Variants in FRMD4B observed in about 807,000 individuals in gnomAD.
FRMD4B encodes FERM domain-containing protein 4B.
FRMD4B carries 74 observed loss-of-function variants against 141.5 expected under a neutral mutation model. The observed-to-expected ratio is 0.52, with a 90% CI of 0.43 to 0.63. The LOEUF (loss-of-function observed/expected upper bound fraction) is 0.63. FRMD4B is among the 30% of genes least tolerant of loss of function. The pLI is 0.00. For missense variants in FRMD4B, 1,366 were observed against 1,253.4 expected (o/e 1.09, Z -1.36); for synonymous variants, 506 against 467.9 (o/e 1.08, Z -1.05).
At chr3:69,219,158 C>T (rs142536356) in intron 9 of FRMD4B, among the ~76,000 whole-genome samples, 1,101 of 58,010 alleles carry the variant, frequency 0.019, 11 homozygotes, top group Admixed American at 0.061. Context: ...GAGTGAGAAT[C>T]TGTCAAAAAA....
At chr3:69,500,427 T>G (rs1264915874) in intron 1 of FRMD4B, among the ~76,000 whole-genome samples, 2 of 152,152 alleles carry the variant, frequency 1.3e-5, no homozygotes, top group Non-Finnish European at 2.9e-5. Context: ...CCTTATTCCT[T>G]GACACTTGGT....
chr3:69,502,938 T>C (rs953945453), intron 1 of FRMD4B, among the ~76,000 whole-genome samples: 4 of 152,164 alleles, frequency 2.6e-5, no homozygotes, highest in Non-Finnish European at 5.9e-5. Flanking sequence ...GAAAAAATGC[T>C]CATCATCACT....
At chr3:69,264,512 C>T (rs1426434870) in intron 5 of FRMD4B, among the ~76,000 whole-genome samples, 2 of 152,048 alleles carry the variant, frequency 1.3e-5, no homozygotes, top group Non-Finnish European at 2.9e-5. Flanking sequence ...AGTAAGGGAT[C>T]CCAGGTTTTT....
At chr3:69,326,118 A>AT in intron 1 of FRMD4B, among the ~76,000 whole-genome samples, 1 of 134,668 alleles carries the variant, frequency 7.4e-6, no homozygotes, top group South Asian at 2.2e-4. Context: ...CTGGCTAATC[A>AT]ATTTTTTTTT....
At chr3:69,379,842 T>C (rs1704068879) in intron 1 of FRMD4B, among the ~76,000 whole-genome samples, 1 of 152,218 alleles carries the variant, frequency 6.6e-6, no homozygotes. Context: ...GTAGACAACA[T>C]GTAATGGATG....
rs766282483 is a variant in FRMD4B at position 69,461,592 on chromosome 3, C to T, written c.-128-28831G>A. 7.3e-4 allele frequency among the ~76,000 whole-genome samples: 104 copies of T among 142,676 alleles called. 1 individual carries two copies. The highest frequency in any genetic ancestry group is 1.6e-3 in the South Asian group (7 of 4,442). 93.6% of individuals were successfully genotyped at this position (142,676 alleles called of 152,430 possible). On this transcript the variant is annotated intron_variant, in intron 1 of 5. Transcript: ENST00000459638. ...TGAGCTGTGATTGCATCACTGCACT[C>T]CGCCCTGGAGGACAAAGTGAGACTC...
At chr3:69,292,575 G>A (rs1700906772) in intron 4 of FRMD4B, among the ~76,000 whole-genome samples, 1 of 152,148 alleles carries the variant, frequency 6.6e-6, no homozygotes, top group Non-Finnish European at 1.5e-5. Flanking sequence ...ACCAGCCCTG[G>A]TGCCTCCTGC....
rs544927779 is a variant in FRMD4B, at chr3:69,336,813, G to A, written c.163-23296C>T. 3.5e-4 allele frequency among the ~76,000 whole-genome samples: 54 copies of A among 152,146 alleles called. No homozygotes were observed. In the East Asian group the frequency reaches 5.8e-3, roughly 16 times the overall value. On this transcript the variant is annotated intron_variant, in intron 1 of 22. Coordinates refer to ENST00000398540, the MANE Select transcript of FRMD4B (RefSeq NM_015123.3). ...TAAAAAATTAGCTGGGCATGGTGGC[G>A]CATGCCTGTAATCCCAGCTACTTTG... is the stretch of plus-strand genomic sequence containing the variant.
intron 5 of FRMD4B, among the ~76,000 whole-genome samples, chr3:69,283,977 A>AAAC (rs752852514): frequency 2.4e-4 from 37 of 151,956 alleles, no homozygotes; most frequent in East Asian, 1.9e-3. Flanking sequence ...AAACAAAACA[A>AAAC]AAAAAACAAA....
At chr3:69,238,421 C>T (rs1356905275) in intron 7 of FRMD4B, among the ~76,000 whole-genome samples, 1 of 152,076 alleles carries the variant, frequency 6.6e-6, no homozygotes, top group East Asian at 1.9e-4. Context: ...AAATAGTGAC[C>T]TGTTGCATAG....
intron 9 of FRMD4B, among the ~76,000 whole-genome samples, chr3:69,219,104 G>A (rs1431741559): frequency 2.7e-5 from 4 of 148,460 alleles, no homozygotes; most frequent in African/African-American, 9.9e-5. Context: ...GGTGGAGGTT[G>A]CAGTGAGCCG....
At chr3:69,247,334 G>T (rs1368782130) in intron 7 of FRMD4B, among the ~76,000 whole-genome samples, 1 of 152,026 alleles carries the variant, frequency 6.6e-6, no homozygotes, top group Non-Finnish European at 1.5e-5. Flanking sequence ...GAGCTTTTGG[G>T]CCCTGAAACC....
intron 1 of FRMD4B, among the ~76,000 whole-genome samples, chr3:69,373,869 T>C (rs1256705410): frequency 6.6e-6 from 1 of 152,174 alleles, no homozygotes; most frequent in Non-Finnish European, 1.5e-5. Flanking sequence ...TAAGACCCTG[T>C]CTCAATCAAT....
intron 7 of FRMD4B, among the ~76,000 whole-genome samples, chr3:69,238,020 C>T (rs1349717671): frequency 6.6e-6 from 1 of 152,214 alleles, no homozygotes. Flanking sequence ...GCGTGAGCCA[C>T]AGCGCCCATC....
intron 5 of FRMD4B, among the ~76,000 whole-genome samples, chr3:69,286,015 C>T (rs1445958711): frequency 1.3e-5 from 2 of 151,990 alleles, no homozygotes; most frequent in Admixed American, 6.6e-5. Flanking sequence ...TTCTAAAGTA[C>T]GGAGAGAGAA....
rs577272222 is a variant in FRMD4B at position 69,313,543 on chromosome 3, G to A, written c.163-26C>T. ...CTGCAGGAACAAGACAGCAAGAGTGGTGTCAGGGCCACGGCTGGCAAGCAA... is the reference window on the plus strand; with the variant it reads ...CTGCAGGAACAAGACAGCAAGAGTGATGTCAGGGCCACGGCTGGCAAGCAA... On this transcript the variant is annotated intron_variant, in intron 1 of 22. Transcript: ENST00000398540. 2.7e-6 allele frequency: 4 copies of A among 1,477,058 alleles called. No homozygotes were observed. The African/African-American group carries it at 5.6e-5, about 21-fold the overall frequency. The allele number at this position is 1,477,058 out of a possible 1,614,324, so 91.5% of individuals were successfully genotyped here. A position where few individuals can be genotyped will look rare whatever the true frequency, so the allele number is the denominator to read the frequency against.
intron 1 of FRMD4B, among the ~76,000 whole-genome samples, chr3:69,499,560 C>G (rs111597767): frequency 5.9e-4 from 90 of 152,274 alleles, no homozygotes; most frequent in African/African-American, 2.1e-3. Context: ...GTAATTAAAT[C>G]GTGAAGCTTT....
chr3:69,523,796 T>C (rs1178039391), intron 1 of FRMD4B, among the ~76,000 whole-genome samples: 1 of 152,150 alleles, frequency 6.6e-6, no homozygotes, highest in East Asian at 1.9e-4. Context: ...GGATGTGGCT[T>C]CCCAGGTGAG....
intron 1 of FRMD4B, among the ~76,000 whole-genome samples, chr3:69,356,691 C>CTAA (rs1472093222): frequency 2.7e-5 from 4 of 150,612 alleles, no homozygotes; most frequent in African/African-American, 9.7e-5. Context: ...AGAACCCTTA[C>CTAA]TAATACACCC....
Sources: gnomAD v4.1 joint callset for allele counts (sites outside exome capture counted in the v4.1 genomes callset) on GRCh38, gnomAD v4.1.1 for gene constraint, MANE v1.5 for transcripts, NCBI Gene and HGNC (gene_info 2026-07-23, HGNC 2026-07-21) for gene names.